Variants in NUDCD1 observed in about 807,000 individuals in gnomAD.
NUDCD1 encodes NudC domain containing 1.
Under a neutral mutation model 67.8 loss-of-function variants are expected in NUDCD1, and 60 were observed. The ratio of observed to expected loss-of-function variants is 0.88; its 90% CI spans 0.72 to 1.10. The LOEUF is 1.10. NUDCD1 is among the 50% of genes least tolerant of loss of function. The pLI is 0.00. For missense variants in NUDCD1, 643 were observed against 695.0 expected, an observed-to-expected ratio of 0.93 and a Z score of 0.84; for synonymous variants, 244 against 230.8, an observed-to-expected ratio of 1.06 and a Z score of -0.52.
intron 8 of NUDCD1, among the ~76,000 whole-genome samples, chr8:109,251,222 G>A (rs1252719129): frequency 2.1e-5 from 3 of 141,822 alleles, no homozygotes; most frequent in Non-Finnish European, 3.0e-5. Flanking sequence ...CGCCCAGGCT[G>A]GAGTGCAGTG....
At chr8:109,278,688 C>T (rs1814356401) in intron 6 of NUDCD1, among the ~76,000 whole-genome samples, 1 of 152,176 alleles carries the variant, frequency 6.6e-6, no homozygotes, top group Non-Finnish European at 1.5e-5. Context: ...TTTCACTCCA[C>T]ATGTTTTTAA....
intron 6 of NUDCD1, among the ~76,000 whole-genome samples, chr8:109,278,376 A>T (rs1045409853): frequency 1.3e-5 from 2 of 152,228 alleles, no homozygotes; most frequent in African/African-American, 4.8e-5. Flanking sequence ...AAAGACACTT[A>T]ACTTTATCTT....
At chr8:109,272,728 G>A (rs1814185517) in intron 7 of NUDCD1, among the ~76,000 whole-genome samples, 1 of 152,104 alleles carries the variant, frequency 6.6e-6, no homozygotes, top group Non-Finnish European at 1.5e-5. Flanking sequence ...AAATGGATGG[G>A]AGTTCTAGAA....
At chr8:109,266,725 T>A (rs749858424) in intron 8 of NUDCD1, among the ~76,000 whole-genome samples, 4 of 152,182 alleles carry the variant, frequency 2.6e-5, no homozygotes, top group Non-Finnish European at 5.9e-5. Context: ...TCTTCAATTC[T>A]ATCTGAATTC....
At chr8:109,259,774 C>T (rs778054071) in intron 8 of NUDCD1, among the ~76,000 whole-genome samples, 31 of 152,104 alleles carry the variant, frequency 2.0e-4, no homozygotes, top group Non-Finnish European at 3.8e-4. Flanking sequence ...TTGCTAGAAA[C>T]TAAATATCAC....
chr8:109,294,892 G>C (rs1814806416), intron 3 of NUDCD1, among the ~76,000 whole-genome samples: 2 of 151,826 alleles, frequency 1.3e-5, no homozygotes, highest in Non-Finnish European at 2.9e-5. Context: ...TTACCCTAAA[G>C]TCCTAAAACC....
chr8:109,308,361 C>G (rs1815160374), intron 2 of NUDCD1, among the ~76,000 whole-genome samples: 2 of 152,120 alleles, frequency 1.3e-5, no homozygotes, highest in African/African-American at 2.4e-5. Flanking sequence ...CCCTAAACAC[C>G]TACATCGGAA....
chr8:109,284,817 C>T (rs758903371), intron 5 of NUDCD1, among the ~76,000 whole-genome samples: 2 of 151,160 alleles, frequency 1.3e-5, no homozygotes, highest in East Asian at 3.9e-4. Context: ...TAACTAAAAT[C>T]AGAGCAAAAC....
intron 1 of NUDCD1, chr8:109,329,690 G>A (rs865774624): frequency 2.1e-5 from 18 of 854,598 alleles, no homozygotes; most frequent in Middle Eastern, 3.2e-4. Context: ...ATGATTTCAC[G>A]GGTGTATACA....
At chr8:109,256,862 A>T (rs1473102484) in intron 8 of NUDCD1, among the ~76,000 whole-genome samples, 1 of 152,106 alleles carries the variant, frequency 6.6e-6, no homozygotes, top group Non-Finnish European at 1.5e-5. Context: ...GATAATCTAT[A>T]AAAAAAGTAC....
intron 5 of NUDCD1, among the ~76,000 whole-genome samples, chr8:109,286,072 A>ATAC: frequency 6.6e-6 from 1 of 152,164 alleles, no homozygotes; most frequent in Non-Finnish European, 1.5e-5. Context: ...AATAATAATA[A>ATAC]TAAAATACCT....
At chr8:109,255,843 T>C (rs1291578214) in intron 8 of NUDCD1, among the ~76,000 whole-genome samples, 1 of 152,042 alleles carries the variant, frequency 6.6e-6, no homozygotes, top group Non-Finnish European at 1.5e-5. Flanking sequence ...TAATAACAAA[T>C]GCAAAGACTC....
At chr8:109,262,837 C>T (rs1056943366) in intron 8 of NUDCD1, among the ~76,000 whole-genome samples, 2 of 151,764 alleles carry the variant, frequency 1.3e-5, no homozygotes, top group African/African-American at 2.4e-5. Flanking sequence ...GGGTGAATAA[C>T]GAGGTCATGA....
chr8:109,269,019 G>A (rs956413724), intron 8 of NUDCD1, among the ~76,000 whole-genome samples: 8 of 152,140 alleles, frequency 5.3e-5, no homozygotes, highest in African/African-American at 7.2e-5. Flanking sequence ...TCAATTAGAA[G>A]AGTAATTGAA....
At chr8:109,286,482 T>C (rs529226835) in intron 5 of NUDCD1, among the ~76,000 whole-genome samples, 7 of 152,100 alleles carry the variant, frequency 4.6e-5, no homozygotes, top group Admixed American at 3.3e-4. Flanking sequence ...CATACACCTA[T>C]ACCCATCTGA....
At chr8:109,275,934 C>T (rs1221288773) in intron 6 of NUDCD1, among the ~76,000 whole-genome samples, 1 of 152,066 alleles carries the variant, frequency 6.6e-6, no homozygotes, top group Non-Finnish European at 1.5e-5. Context: ...CAACAATTAA[C>T]TTTATTTTCA....
chr8:109,269,100 T>G (rs769850484), intron 8 of NUDCD1, among the ~76,000 whole-genome samples: 13 of 152,310 alleles, frequency 8.5e-5, no homozygotes, highest in Admixed American at 2.6e-4. Flanking sequence ...TTTTTTAATT[T>G]AATGACTGTC....
At chr8:109,296,345 A>C (rs1469510942) in intron 3 of NUDCD1, 39 bp downstream of exon 3, 1 of 1,524,428 alleles carries the variant, frequency 6.6e-7, no homozygotes, top group Non-Finnish European at 9.1e-7. Flanking sequence ...ATTTACATAT[A>C]CTTTCTGGAC....
intron 8 of NUDCD1, 103 bp from the exon 9 acceptor site, chr8:109,245,584 T>A: frequency 1.3e-6 from 1 of 753,290 alleles, no homozygotes; most frequent in Non-Finnish European, 2.2e-6. Flanking sequence ...AGCAACTGTT[T>A]TATACTTTTT....
Sources: gnomAD v4.1 joint callset for allele counts (sites outside exome capture counted in the v4.1 genomes callset) on GRCh38, gnomAD v4.1.1 for gene constraint, MANE v1.5 for transcripts, NCBI Gene and HGNC (gene_info 2026-07-23, HGNC 2026-07-21) for gene names.